GNG3: variants seen among roughly 807,000 people sequenced by gnomAD.
The protein encoded by GNG3 is G protein subunit gamma 3, also known as guanine nucleotide-binding protein G(I)/G(S)/G(O) subunit gamma-3.
In GNG3, 4 loss-of-function variants were observed where a neutral mutation model predicts 5.6. That is an observed-to-expected ratio of 0.71 (90% CI 0.35 to 1.63). The LOEUF is 1.63. Ranked by LOEUF, GNG3 falls within the 40% of genes most tolerant of loss-of-function variation. The pLI is 0.05. For missense variants in GNG3, 62 were observed against 96.6 expected, an observed-to-expected ratio of 0.64 and a Z score of 1.50; for synonymous variants, 30 against 33.5, an observed-to-expected ratio of 0.89 and a Z score of 0.36.
At chr11:62,708,634 T>G in intron 2 of GNG3, 44 bp from the exon 3 acceptor site, 1 of 1,609,164 alleles carries the variant, frequency 6.2e-7, no homozygotes. Context: ...TGCAGTCCCC[T>G]TCAGAGGTCC....
upstream of GNG3, chr11:62,707,669 G>A: frequency 4.7e-6 from 2 of 424,966 alleles, no homozygotes; most frequent in Non-Finnish European, 8.8e-6. Context: ...CAGGATCTGA[G>A]CAGCTCCTTC....
At chr11:62,708,502 A>AG (rs1250083439) in intron 2 of GNG3, 108 bp downstream of exon 2, 1 of 1,203,570 alleles carries the variant, frequency 8.3e-7, no homozygotes, top group Non-Finnish European at 1.2e-6. Flanking sequence ...CCCTGAGGTC[A>AG]GGGGAGGAGT....
At chr11:62,707,576 A>G (rs1310117192), upstream of GNG3, 1 of 580,014 alleles carries the variant, frequency 1.7e-6, no homozygotes. Flanking sequence ...GGGGAGGGGC[A>G]GGCAGTGAAC....
At chr11:62,708,179 AG>A in intron 1 of GNG3, 115 bp from the exon 2 acceptor site, 9 of 750,852 alleles carry the variant, frequency 1.2e-5, no homozygotes, top group Non-Finnish European at 2.2e-5. Flanking sequence ...GGAGGAGGAT[AG>A]GAGGGGAACA....
chr11:62,708,774 C>A lies in GNG3; in HGVS notation c.196C>A (p.Arg66=). ...TGTGCCCACTTCGGAGAACCCCTTC[C>A]GGGAGAAGAAGTTCTTCTGTGCTCT... The part of the protein sequence containing the change: ...TPVPTSENPF[R]EKKFFCALL Residue 66 remains arginine, a synonymous_variant, in exon 3 of 3, where the codon CGG becomes AGG. Coordinates refer to ENST00000294117, the MANE Select transcript of GNG3 (RefSeq NM_012202.5). The A allele has an allele frequency of 6.2e-7, 1 of 1,614,126 alleles. No individual in the cohort carries two copies. The highest frequency in any genetic ancestry group is 2.2e-5 in the East Asian group (1 of 44,884).
At chr11:62,707,373 G>A (rs1175925785), upstream of GNG3, 5 of 720,732 alleles carry the variant, frequency 6.9e-6, 1 homozygote, top group South Asian at 4.4e-5. Flanking sequence ...TCAGAGTAGA[G>A]GGAGGAAAGG....
chr11:62,706,646 CGAGT>C (rs765781728), upstream of GNG3: 5 of 474,242 alleles, frequency 1.1e-5, no homozygotes, highest in African/African-American at 9.9e-5. Context: ...GCGAAGCGGC[CGAGT>C]GAGGCGGTCA....
At chr11:62,707,068 TC>T, upstream of GNG3, 2 of 1,517,988 alleles carry the variant, frequency 1.3e-6, no homozygotes, top group Non-Finnish European at 1.8e-6. Flanking sequence ...CCCACCTATT[TC>T]CAGTATATTT....
At position 62,708,099 on chromosome 11, in the gene GNG3, G is replaced by C. The variant is rs186527407; in HGVS notation, c.-2+184G>C. 3.5e-4 allele frequency: 211 copies of C among 603,428 alleles called. 1 individual carries two copies. In the East Asian group the frequency reaches 5.2e-3, roughly 15 times the overall value. 37.4% of individuals were successfully genotyped at this position (603,428 alleles called of 1,614,324 possible). A position where few individuals can be genotyped will look rare whatever the true frequency, so the allele number is the denominator to read the frequency against. On this transcript the variant is annotated intron_variant, in intron 1 of 2. Transcript: ENST00000294117. ...GTGGCCCAGGCCATGAGGGAGTTTG[G>C]GGAGCACCTCATCCCACCCTATTTT...
chr11:62,707,337 C>T, upstream of GNG3: 1 of 800,308 alleles, frequency 1.2e-6, no homozygotes. Context: ...GGGAGAGAAA[C>T]GAAGATTCAG....
upstream of GNG3, chr11:62,707,493 TGA>T (rs540585396): frequency 2.4e-4 from 153 of 645,972 alleles, no homozygotes; most frequent in Admixed American, 3.5e-4. Context: ...CCACGCCATT[TGA>T]GAGGGGGAGT....
upstream of GNG3, chr11:62,707,333 G>T: frequency 1.2e-6 from 1 of 812,164 alleles, no homozygotes; most frequent in South Asian, 1.4e-5. Flanking sequence ...CCCTGGGAGA[G>T]AAACGAAGAT....
rs1252085810 is a variant in GNG3, at chr11:62,709,132, T to C, written c.*326T>C. On this transcript the variant is annotated 3_prime_UTR_variant, in exon 3 of 3. Transcript: ENST00000294117. ...AATGGAGAGGGATGGGCCAGGTTCT[T>C]GCTCTCAGTCTCACCTGGAGCTACT... The C allele has an allele frequency of 1.3e-5, 6 of 479,146 alleles. No individual in the cohort carries two copies. In the Admixed American group the frequency reaches 1.4e-4, roughly 11 times the overall value. The allele number at this position is 479,146 out of a possible 1,614,324, so 29.7% of individuals were successfully genotyped here.
upstream of GNG3, chr11:62,706,598 G>A (rs370384423): frequency 8.9e-5 from 42 of 469,470 alleles, no homozygotes; most frequent in East Asian, 2.3e-3. Context: ...TGCAATCACA[G>A]CCCTCCGTGC....
chr11:62,708,420 A>T (rs893496034), intron 2 of GNG3, 26 bp downstream of exon 2: 4 of 1,511,394 alleles, frequency 2.6e-6, no homozygotes, highest in Non-Finnish European at 1.8e-6. Context: ...GCTGGCTCCC[A>T]TTAGTTGGCC....
intron 1 of GNG3, 147 bp downstream of exon 1, chr11:62,708,062 G>A: frequency 1.8e-6 from 1 of 570,304 alleles, no homozygotes; most frequent in Non-Finnish European, 3.2e-6. Flanking sequence ...TTTGTGTAAG[G>A]TTTAATGATC....
chr11:62,707,399 G>A (rs2134748903), upstream of GNG3: 1 of 704,490 alleles, frequency 1.4e-6, no homozygotes, highest in African/African-American at 1.7e-5. Flanking sequence ...GGGGGCGACT[G>A]CCCAGCTGAT....
In GNG3 at chr11:62,709,063, C is replaced by A. The variant is rs936511335; in HGVS notation, c.*257C>A. 7.9e-6 allele frequency: 4 copies of A among 503,496 alleles called. No homozygotes were observed. Among genetic ancestry groups the A allele is most frequent in the African/African-American group, 7.7e-5 (4 of 51,834 alleles). 31.2% of individuals were successfully genotyped at this position (503,496 alleles called of 1,614,324 possible). ...ACCCACAGCAGGGCCCCGTCAGACT[C>A]TGCCAGCGCGTCCTGCCCGCTTCCC... On this transcript the variant is annotated 3_prime_UTR_variant, in exon 3 of 3. Transcript: ENST00000294117.
At position 62,708,284 on chromosome 11, in the gene GNG3, C is replaced by CT. The variant is rs1335526572; in HGVS notation, c.-1-5dup. On this transcript the variant is annotated splice_polypyrimidine_tract_variant and intron_variant, in intron 1 of 2. Transcript: ENST00000294117. ...TGAGACTGTGCTCTGAGAGGTCCCT[C>CT]TTTTTTCCAGGATGAAAGGTGAGAC... The CT allele has an allele frequency of 1.9e-6, 3 of 1,589,726 alleles. No individual in the cohort carries two copies. Among genetic ancestry groups the CT allele is most frequent in the Middle Eastern group, 1.7e-4 (1 of 6,016 alleles).
Sources: gnomAD v4.1 joint callset for allele counts on GRCh38, gnomAD v4.1.1 for gene constraint, MANE v1.5 for transcripts, NCBI Gene and HGNC (gene_info 2026-07-23, HGNC 2026-07-21) for gene names.